CYP4F22: variants seen among roughly 807,000 people sequenced by gnomAD.
CYP4F22 encodes cytochrome P450 family 4 subfamily F member 22, also known as ultra-long-chain fatty acid omega-hydroxylase.
Under a neutral mutation model 60.4 loss-of-function variants are expected in CYP4F22, and 37 were observed. The ratio of observed to expected loss-of-function variants is 0.61; its 90% CI spans 0.47 to 0.81. The LOEUF (loss-of-function observed/expected upper bound fraction) is 0.81. CYP4F22 is among the 30% of genes least tolerant of loss of function. The pLI is 0.00. For missense variants in CYP4F22, 655 were observed against 715.0 expected (o/e 0.92, Z 0.96); for synonymous variants, 258 against 280.5 (o/e 0.92, Z 0.80).
chr19:15,514,415 C>T (rs377658814), intron 1 of CYP4F22, among the ~76,000 whole-genome samples: 17 of 152,260 alleles, frequency 1.1e-4, no homozygotes, highest in African/African-American at 3.1e-4. Context: ...TCGTCGGGCA[C>T]GGTGGCTCAT....
intron 1 of CYP4F22, among the ~76,000 whole-genome samples, chr19:15,519,186 G>T (rs902029742): frequency 6.6e-6 from 1 of 152,034 alleles, no homozygotes; most frequent in Non-Finnish European, 1.5e-5. Flanking sequence ...GGAAAGGGGG[G>T]ACAACGTGGC....
chr19:15,549,895 C>T (rs1183524290), intron 12 of CYP4F22, among the ~76,000 whole-genome samples: 1 of 151,860 alleles, frequency 6.6e-6, no homozygotes, highest in Non-Finnish European at 1.5e-5. Context: ...TTGGGCCCAG[C>T]AGTTTGAGGC....
intron 3 of CYP4F22, among the ~76,000 whole-genome samples, chr19:15,528,451 C>T (rs145332971): frequency 6.6e-6 from 1 of 152,270 alleles, no homozygotes; most frequent in African/African-American, 2.4e-5. Context: ...CTCCCTTGCC[C>T]TCAGGTGGAG....
chr19:15,547,678 C>T (rs1408365442), intron 10 of CYP4F22, among the ~76,000 whole-genome samples: 1 of 151,816 alleles, frequency 6.6e-6, no homozygotes, highest in Non-Finnish European at 1.5e-5. Flanking sequence ...CAAAAATTAG[C>T]CGGGTGTGGG....
rs144951474 is a variant in CYP4F22 at position 15,551,330 on chromosome 19, G to A, written c.1455G>A (p.Leu485=). ...CIGQSFAMAE[L]RVVVALTLLR... ...GACAGAGCTTCGCCATGGCCGAGTT[G>A]CGCGTGGTTGTGGCACTAACACTGC... Residue 485 remains leucine (L), a synonymous_variant, in exon 14 of 14, where the codon TTG becomes TTA. Coordinates refer to ENST00000269703, the MANE Select transcript of CYP4F22 (RefSeq NM_173483.4). 2.4e-5 allele frequency: 39 copies of A among 1,613,458 alleles called. No homozygotes were observed. The highest frequency in any genetic ancestry group is 1.7e-5 in the Admixed American group (1 of 59,958).
At chr19:15,523,356 G>A (rs1054084848) in intron 1 of CYP4F22, among the ~76,000 whole-genome samples, 2 of 152,054 alleles carry the variant, frequency 1.3e-5, no homozygotes. Context: ...GCAAGACTCT[G>A]TCTCCAAACA....
intron 1 of CYP4F22, among the ~76,000 whole-genome samples, chr19:15,509,904 C>CCTTTCTTT (rs1246966485): frequency 1.2e-5 from 1 of 86,696 alleles, no homozygotes; most frequent in Non-Finnish European, 2.5e-5. Context: ...TTCCTTCCTT[C>CCTTTCTTT]CTTTCTTTCT....
intron 1 of CYP4F22, among the ~76,000 whole-genome samples, chr19:15,512,160 G>A (rs796852313): frequency 9.9e-5 from 15 of 152,162 alleles, no homozygotes; most frequent in African/African-American, 3.4e-4. Flanking sequence ...TCACTGAGCC[G>A]TCCCAAAAAC....
chr19:15,515,300 A>G (rs994772644), intron 1 of CYP4F22: 4 of 1,103,440 alleles, frequency 3.6e-6, no homozygotes, highest in Non-Finnish European at 5.4e-6. Context: ...TTTTCAGTGT[A>G]TATGTTGGGA....
chr19:15,548,841 TG>T (rs1287090564), intron 11 of CYP4F22, among the ~76,000 whole-genome samples: 2 of 152,024 alleles, frequency 1.3e-5, no homozygotes, highest in African/African-American at 2.4e-5. Context: ...AACTCAATCC[TG>T]GGGGCAGCAG....
In CYP4F22 at chr19:15,534,297, A is replaced by G. The variant is rs565776752; in HGVS notation, c.368-3064A>G. On this transcript the variant is annotated intron_variant, in intron 4 of 13. Coordinates refer to ENST00000269703, the MANE Select transcript of CYP4F22 (RefSeq NM_173483.4). ...AGTGGTAACATGTCCAGGCTTACAT[A>G]TCTAGTTAGTGGCAGGGCTGGGATT... 9.3e-4 allele frequency among the ~76,000 whole-genome samples: 141 copies of G among 152,272 alleles called. 4 individuals are homozygous for G. In the South Asian group the frequency reaches 0.029, roughly 31 times the overall value.
Position 15,550,724 on chromosome 19 carries a change from A to T in CYP4F22, c.1386A>T (p.Pro462=), listed in dbSNP as rs140562887. The change falls in exon 13 of 14, where the codon CCA becomes CCT. Residue 462 remains proline (P), a synonymous_variant. Transcript: ENST00000269703. The stretch of plus-strand genomic sequence containing the variant: ...CGGACAACCCACAGCAGCGCTCTCC[A>T]CTGGCCTATGTGCCCTTCTCTGCAG... ...FDPDNPQQRS[P]LAYVPFSAGP... 2.0e-5 allele frequency: 33 copies of T among 1,614,016 alleles called. No homozygotes were observed. In the African/African-American group the frequency reaches 4.3e-4, roughly 21 times the overall value.
chr19:15,510,914 T>C lies in CYP4F22; in HGVS notation c.-109+2331T>C, dbSNP rs888197603. Among the ~76,000 whole-genome samples, 3 of 149,476 alleles carry C rather than the reference T, an allele frequency of 2.0e-5. No homozygotes were observed. In the East Asian group the frequency reaches 5.9e-4, roughly 29 times the overall value. On this transcript the variant is annotated intron_variant, in intron 1 of 13. Transcript: ENST00000269703. ...CTGGAGGATGGTTTGAGCCCAGGACTTTGAGACCAGCCTGGGGAATATAGG... is the reference window on the plus strand; with the variant it reads ...CTGGAGGATGGTTTGAGCCCAGGACCTTGAGACCAGCCTGGGGAATATAGG...
At chr19:15,514,495 G>T (rs1471414934) in intron 1 of CYP4F22, among the ~76,000 whole-genome samples, 6 of 152,130 alleles carry the variant, frequency 3.9e-5, no homozygotes, top group Admixed American at 1.3e-4. Context: ...AGACCAGCCT[G>T]GCCAAGATGG....
Position 15,549,216 on chromosome 19 carries a change from C to T in CYP4F22, c.1335+14C>T. ...CCTGACTCCAAGGTGAGTGCCTGCC[C>T]CACTCCTCCCTGCCCTCAGGTCCTC... On this transcript the variant is annotated intron_variant, in intron 12 of 13. Transcript: ENST00000269703. 1.2e-6 allele frequency: 2 copies of T among 1,613,980 alleles called. No individual in the cohort carries two copies. The highest frequency in any genetic ancestry group is 2.7e-5 in the African/African-American group (2 of 75,018).
At chr19:15,518,039 CAA>C (rs1971175424) in intron 1 of CYP4F22, among the ~76,000 whole-genome samples, 1 of 151,978 alleles carries the variant, frequency 6.6e-6, no homozygotes. Flanking sequence ...TGGTCCATGA[CAA>C]AAAGTCTAAA....
At position 15,521,421 on chromosome 19, in the gene CYP4F22, C is replaced by T. The variant is rs147576795; in HGVS notation, c.-108-2272C>T. Among the ~76,000 whole-genome samples the T allele has an allele frequency of 7.5e-3, 1,133 of 151,920 alleles. 21 individuals carry two copies. Among genetic ancestry groups the T allele is most frequent in the African/African-American group, 0.025 (1,025 of 41,406 alleles). ...TAATTTTTTGTATTTTTAGTAGAGA[C>T]GGGGTTTCGCCATGTTGGCCAGGCT... On this transcript the variant is annotated intron_variant, in intron 1 of 13. Transcript: ENST00000269703.
intron 1 of CYP4F22, 82 bp downstream of exon 1, chr19:15,508,665 C>G (rs1971047903): frequency 6.6e-6 from 1 of 152,540 alleles, no homozygotes; most frequent in East Asian, 1.9e-4. Flanking sequence ...CGGTTCGGTG[C>G]TGGCGGGGCA....
Position 15,549,804 on chromosome 19 carries a change from T to TAA in CYP4F22, c.1335+614_1335+615dup, listed in dbSNP as rs34151824. The stretch of plus-strand genomic sequence containing the variant: ...GGGCAACACAGTGAGACCCCATTTC[T>TAA]AAAAAAAAAAAAAGTTAGCCAGCCA... On this transcript the variant is annotated intron_variant, in intron 12 of 13. Coordinates refer to ENST00000269703, the MANE Select transcript of CYP4F22 (RefSeq NM_173483.4). 8.4e-4 allele frequency among the ~76,000 whole-genome samples: 122 copies of TAA among 145,918 alleles called. No homozygotes were observed. The South Asian group carries it at 0.016, about 19-fold the overall frequency.
Sources: gnomAD v4.1 joint callset for allele counts (sites outside exome capture counted in the v4.1 genomes callset) on GRCh38, gnomAD v4.1.1 for gene constraint, MANE v1.5 for transcripts, NCBI Gene and HGNC (gene_info 2026-07-23, HGNC 2026-07-21) for gene names.